The following TAF2 variants were observed in gnomAD, a reference collection of about 807,000 sequenced individuals.
TAF2 encodes the protein TATA-box binding protein associated factor 2, also known as transcription initiation factor TFIID subunit 2.
TAF2 carries 61 observed loss-of-function variants against 138.5 expected under a neutral mutation model. That is an observed-to-expected ratio of 0.44 (90% CI 0.36 to 0.54). TAF2 has a LOEUF of 0.54. Among genes scored for constraint, TAF2 ranks in the 20% least tolerant of loss-of-function variants. The probability of loss-of-function intolerance (pLI) is 0.00; values close to 1 mark genes in which losing one functional copy is unlikely to be tolerated. For synonymous variants in TAF2, 475 were observed against 469.9 expected, an observed-to-expected ratio of 1.01 and a Z score of -0.14; for missense variants, 1,090 against 1,427.9, an observed-to-expected ratio of 0.76 and a Z score of 3.81.
intron 5 of TAF2, among the ~76,000 whole-genome samples, 170 bp from the exon 6 acceptor site, chr8:119,802,195 ATC>A (rs1183595465): frequency 1.6e-4 from 24 of 152,380 alleles, no homozygotes; most frequent in African/African-American, 5.3e-4. Flanking sequence ...ATAAAATAAA[ATC>A]TGTTTCCAAA....
Position 119,731,003 on chromosome 8 carries a change from T to C in TAF2, c.*921A>G, listed in dbSNP as rs1256974670. The C allele has an allele frequency of 2.6e-5, 4 of 152,232 alleles. No individual in the cohort carries two copies. The highest frequency in any genetic ancestry group is 7.2e-5 in the African/African-American group (3 of 41,460). The allele number at this position is 152,232 out of a possible 1,614,324, so 9.4% of individuals were successfully genotyped here. ...TATTTCATATGTTTTTAAATGCTTA[T>C]GGTATGAGAGCCAAATTGTCTATTT... On this transcript the variant is annotated 3_prime_UTR_variant, in exon 26 of 26. Transcript: ENST00000378164.
intron 25 of TAF2, among the ~76,000 whole-genome samples, chr8:119,738,277 G>C (rs1486708117): frequency 2.6e-5 from 4 of 151,740 alleles, no homozygotes; most frequent in African/African-American, 9.7e-5. Context: ...ATCAGATTTG[G>C]GACACACAAG....
Position 119,832,633 on chromosome 8 carries a change from C to G in TAF2, c.-69G>C, listed in dbSNP as rs1192601894. 1 of 1,466,224 alleles carries G rather than the reference C, an allele frequency of 6.8e-7. No individual in the cohort carries two copies. The highest frequency in any genetic ancestry group is 9.4e-7 in the Non-Finnish European group (1 of 1,061,364). 90.8% of individuals were successfully genotyped at this position (1,466,224 alleles called of 1,614,324 possible). On this transcript the variant is annotated 5_prime_UTR_variant, in exon 1 of 26. Coordinates refer to ENST00000378164, the MANE Select transcript of TAF2 (RefSeq NM_003184.4). ...TACGGGGCATTACTAGTCTTTGGCA[C>G]CTCACACTCTCCACTCCCCTGCGGT...
At chr8:119,782,867 G>C (rs1822763279) in intron 16 of TAF2, among the ~76,000 whole-genome samples, 1 of 152,154 alleles carries the variant, frequency 6.6e-6, no homozygotes, top group Non-Finnish European at 1.5e-5. Flanking sequence ...GCACAGTGGA[G>C]CATGGTGGCA....
chr8:119,746,741 T>A lies in TAF2; in HGVS notation c.3072A>T (p.Pro1024=). 1 of 1,614,172 alleles carries A rather than the reference T, an allele frequency of 6.2e-7. No homozygotes were observed. Among genetic ancestry groups the A allele is most frequent in the Non-Finnish European group, 8.5e-7 (1 of 1,180,008 alleles). ...VAGNQEAANN[P]SSHPQLVGFQ... ...ATCCAACTAGCTGTGGGTGACTGCT[T>A]GGATTATTTGCAGCTTCTTGGTTGC... The change falls in exon 23 of 26, where the codon CCA becomes CCT. Residue 1024 remains proline (P), a synonymous_variant. Coordinates refer to ENST00000378164, the MANE Select transcript of TAF2 (RefSeq NM_003184.4).
intron 22 of TAF2, among the ~76,000 whole-genome samples, chr8:119,748,729 CAA>C (rs1420914184): frequency 6.6e-6 from 1 of 152,006 alleles, no homozygotes; most frequent in Non-Finnish European, 1.5e-5. Flanking sequence ...AAAAGTTCCA[CAA>C]AGAGGAGGTT....
intron 6 of TAF2, among the ~76,000 whole-genome samples, chr8:119,800,134 ACT>A (rs1168842080): frequency 1.3e-5 from 2 of 150,062 alleles, no homozygotes; most frequent in African/African-American, 4.9e-5. Flanking sequence ...CTGTGCAGAA[ACT>A]CTTTAGTTTA....
chr8:119,750,868 T>C (rs1186483536), intron 22 of TAF2, among the ~76,000 whole-genome samples: 1 of 152,166 alleles, frequency 6.6e-6, no homozygotes, highest in African/African-American at 2.4e-5. Context: ...TTCAATGACT[T>C]GAACAATTAA....
chr8:119,777,878 T>C lies in TAF2; in HGVS notation c.2364+141A>G, dbSNP rs1026600008. The C allele has an allele frequency of 1.0e-4, 58 of 562,594 alleles. 2 individuals are homozygous for C. The South Asian group carries it at 1.2e-3, about 11-fold the overall frequency. 34.9% of individuals were successfully genotyped at this position (562,594 alleles called of 1,614,324 possible). A position where few individuals can be genotyped will look rare whatever the true frequency, so the allele number is the denominator to read the frequency against. ...CTATCTCTAGAAATGTCAAGGACTG[T>C]GGACAGTCATCAAGTACGATGATTT... On this transcript the variant is annotated intron_variant, in intron 18 of 25. Transcript: ENST00000378164.
chr8:119,806,890 T>G (rs995589333), intron 3 of TAF2, among the ~76,000 whole-genome samples: 1 of 152,226 alleles, frequency 6.6e-6, no homozygotes, highest in African/African-American at 2.4e-5. Flanking sequence ...TGTTAAAAAC[T>G]ATTAATCTAT....
intron 2 of TAF2, among the ~76,000 whole-genome samples, chr8:119,820,860 T>C (rs974420540): frequency 5.3e-5 from 8 of 152,152 alleles, no homozygotes; most frequent in African/African-American, 1.9e-4. Flanking sequence ...ATAAAGTTGA[T>C]AAAGATTCTG....
rs748586050 is a variant in TAF2, at chr8:119,760,789, C to T, written c.2559-51G>A. The T allele has an allele frequency of 1.9e-6, 3 of 1,610,230 alleles. No individual in the cohort carries two copies. In the Admixed American group the frequency reaches 5.0e-5, roughly 27 times the overall value. Reference sequence around the variant, plus strand: ...CTACTTTCACTGAGGTATTATGAATCAGTTTGTTTCCTAGGCATTAGAGAA... The same window carrying T: ...CTACTTTCACTGAGGTATTATGAATTAGTTTGTTTCCTAGGCATTAGAGAA... On this transcript the variant is annotated intron_variant, in intron 19 of 25. Coordinates refer to ENST00000378164, the MANE Select transcript of TAF2 (RefSeq NM_003184.4).
chr8:119,770,905 T>C (rs540360435), intron 18 of TAF2, among the ~76,000 whole-genome samples: 58 of 152,214 alleles, frequency 3.8e-4, no homozygotes, highest in Non-Finnish European at 5.9e-4. Context: ...AACCTGTCTC[T>C]ACTAAAATAC....
chr8:119,826,838 G>A (rs1046414142), intron 2 of TAF2, among the ~76,000 whole-genome samples: 19 of 151,950 alleles, frequency 1.3e-4, no homozygotes, highest in South Asian at 4.1e-4. Context: ...CACCAGCCTC[G>A]GCCTCCCAAA....
chr8:119,762,066 TAAC>T (rs1230648413), intron 19 of TAF2, among the ~76,000 whole-genome samples: 1 of 152,066 alleles, frequency 6.6e-6, no homozygotes, highest in African/African-American at 2.4e-5. Context: ...AAAAAAAGGC[TAAC>T]AATAGAGAAT....
At chr8:119,745,016 C>T (rs971569779) in intron 23 of TAF2, 5 of 456,122 alleles carry the variant, frequency 1.1e-5, no homozygotes, top group African/African-American at 8.0e-5. Flanking sequence ...ATGATGCTTC[C>T]TTGGCAAGGT....
At chr8:119,825,107 A>G (rs572250973) in intron 2 of TAF2, among the ~76,000 whole-genome samples, 133 of 152,382 alleles carry the variant, frequency 8.7e-4, no homozygotes, top group African/African-American at 3.2e-3. Flanking sequence ...GGCAGCCGGG[A>G]GGCTGCAACC....
intron 25 of TAF2, among the ~76,000 whole-genome samples, chr8:119,739,146 A>T (rs994745609): frequency 2.0e-5 from 3 of 151,814 alleles, no homozygotes; most frequent in Non-Finnish European, 2.9e-5. Flanking sequence ...CACAAAAACC[A>T]CTAGGGAATT....
rs375552002 is a variant in TAF2, at chr8:119,769,231, T to C, written c.2365-6623A>G. The stretch of plus-strand genomic sequence containing the variant: ...CCAACACAAACCCTAATAACAGAAA[T>C]ACACAGGGCTATAGAAGTACAGCCA... On this transcript the variant is annotated intron_variant, in intron 18 of 25. Coordinates refer to ENST00000378164, the MANE Select transcript of TAF2 (RefSeq NM_003184.4). 4.6e-5 allele frequency among the ~76,000 whole-genome samples: 7 copies of C among 151,986 alleles called. No homozygotes were observed. In the East Asian group the frequency reaches 9.7e-4, roughly 21 times the overall value.
Sources: gnomAD v4.1 joint callset for allele counts (sites outside exome capture counted in the v4.1 genomes callset) on GRCh38, gnomAD v4.1.1 for gene constraint, MANE v1.5 for transcripts, NCBI Gene and HGNC (gene_info 2026-07-23, HGNC 2026-07-21) for gene names.